Variants in NEK10 observed in about 807,000 individuals in gnomAD.
The protein encoded by NEK10 is NIMA related kinase 10, also known as serine/threonine-protein kinase Nek10.
Under a neutral mutation model 159.8 loss-of-function variants are expected in NEK10, and 122 were observed. The observed-to-expected ratio is 0.76, with a 90% confidence interval of 0.66 to 0.89. The LOEUF is 0.89. Among genes scored for constraint, NEK10 ranks in the 40% least tolerant of loss-of-function variants. The pLI, the probability that NEK10 is intolerant of heterozygous loss-of-function variation, is 0.00. For synonymous variants in NEK10, 466 were observed against 457.1 expected, an observed-to-expected ratio of 1.02 and a Z score of -0.25; for missense variants, 1,342 against 1,323.1, an observed-to-expected ratio of 1.01 and a Z score of -0.22.
chr3:27,198,524 C>T (rs564544199), intron 25 of NEK10, among the ~76,000 whole-genome samples: 8 of 152,134 alleles, frequency 5.3e-5, no homozygotes, highest in East Asian at 1.9e-4. Flanking sequence ...CTGACAAAAA[C>T]AAGCAATGGG....
intron 7 of NEK10, among the ~76,000 whole-genome samples, chr3:27,313,769 G>A (rs2044910413): frequency 2.0e-5 from 3 of 152,144 alleles, no homozygotes; most frequent in Non-Finnish European, 2.9e-5. Context: ...CTGGAGTGCA[G>A]TGGTGCAACT....
At chr3:27,315,519 T>A (rs1282550871) in intron 6 of NEK10, among the ~76,000 whole-genome samples, 1 of 152,222 alleles carries the variant, frequency 6.6e-6, no homozygotes, top group Non-Finnish European at 1.5e-5. Flanking sequence ...AGAGCTATAA[T>A]TAAAGAGCAC....
chr3:27,304,712 C>T (rs1318326489), intron 12 of NEK10, 35 bp downstream of exon 12: 3 of 1,390,368 alleles, frequency 2.2e-6, no homozygotes, highest in Non-Finnish European at 3.1e-6. Flanking sequence ...CTTCAACAAA[C>T]AGGGCAAAGT....
intron 23 of NEK10, among the ~76,000 whole-genome samples, chr3:27,229,203 T>C (rs1299612016): frequency 6.6e-6 from 1 of 152,142 alleles, no homozygotes; most frequent in Non-Finnish European, 1.5e-5. Context: ...ACATAATTAC[T>C]ACAACCAGCA....
chr3:27,282,841 T>C (rs927017669), intron 22 of NEK10, among the ~76,000 whole-genome samples: 15 of 150,888 alleles, frequency 9.9e-5, no homozygotes, highest in African/African-American at 3.2e-4. Context: ...ATAAATAAAT[T>C]ATAAAAAATT....
intron 30 of NEK10, among the ~76,000 whole-genome samples, chr3:27,153,116 C>T (rs1417228661): frequency 1.3e-5 from 2 of 152,004 alleles, no homozygotes; most frequent in Non-Finnish European, 1.5e-5. Flanking sequence ...GTCAGGAGAT[C>T]GAGACTATCC....
rs567310183 is a variant in NEK10, at chr3:27,327,765, T to C, written c.363-5504A>G. Among the ~76,000 whole-genome samples the C allele has an allele frequency of 1.2e-4, 19 of 152,308 alleles. 1 individual carries two copies. The South Asian group carries it at 2.5e-3, about 20-fold the overall frequency. The stretch of plus-strand genomic sequence containing the variant: ...TCATGTCACAGCCCTTTTCATGTTG[T>C]AGTAGTTTTCATTAACCACAAGACA... On this transcript the variant is annotated intron_variant, in intron 5 of 35. Coordinates refer to ENST00000691995, the MANE Select transcript of NEK10 (RefSeq NM_001394966.1).
intron 3 of NEK10, among the ~76,000 whole-genome samples, chr3:27,349,422 A>G (rs966813199): frequency 6.6e-6 from 1 of 152,084 alleles, no homozygotes; most frequent in Admixed American, 6.6e-5. Context: ...CTCAAAAGCT[A>G]TATGCTCACT....
chr3:27,243,307 G>T (rs1430220403), intron 23 of NEK10, among the ~76,000 whole-genome samples: 1 of 152,076 alleles, frequency 6.6e-6, no homozygotes, highest in East Asian at 1.9e-4. Context: ...GATGTAAAGG[G>T]ATATATGACT....
At chr3:27,197,105 T>C (rs1949624556) in intron 25 of NEK10, among the ~76,000 whole-genome samples, 1 of 152,144 alleles carries the variant, frequency 6.6e-6, no homozygotes, top group African/African-American at 2.4e-5. Context: ...ACTATTATGA[T>C]TCTCATTCTA....
intron 25 of NEK10, among the ~76,000 whole-genome samples, chr3:27,200,311 A>T (rs1372564454): frequency 2.0e-5 from 3 of 152,162 alleles, no homozygotes; most frequent in Admixed American, 2.0e-4. Context: ...GCTAAGTGCT[A>T]GTATAGATAC....
In NEK10 at chr3:27,285,957, T is replaced by G. The variant is rs114197395; in HGVS notation, c.1790-996A>C. On this transcript the variant is annotated intron_variant, in intron 20 of 35. Coordinates refer to ENST00000691995, the MANE Select transcript of NEK10 (RefSeq NM_001394966.1). ...CAATTTTTCATAATTTCAAGAAATATTCATTTATGTACCAATACTACCTCT... is the reference window on the plus strand; with the variant it reads ...CAATTTTTCATAATTTCAAGAAATAGTCATTTATGTACCAATACTACCTCT... 4.6e-3 allele frequency among the ~76,000 whole-genome samples: 705 copies of G among 152,248 alleles called. 3 individuals are homozygous for G. Among genetic ancestry groups the G allele is most frequent in the Non-Finnish European group, 7.0e-3 (478 of 68,014 alleles).
chr3:27,330,397 A>G (rs943218097), intron 5 of NEK10, among the ~76,000 whole-genome samples: 1 of 152,216 alleles, frequency 6.6e-6, no homozygotes, highest in Admixed American at 6.5e-5. Context: ...TCAAACAATG[A>G]TCCAGCTGTT....
At chr3:27,187,551 G>A (rs910085675) in intron 26 of NEK10, among the ~76,000 whole-genome samples, 2 of 152,126 alleles carry the variant, frequency 1.3e-5, no homozygotes, top group African/African-American at 4.8e-5. Context: ...TAAAAGGCCA[G>A]GGATGGAAGA....
At position 27,189,113 on chromosome 3, in the gene NEK10, T is replaced by C. The variant is rs187771651; in HGVS notation, c.2505+2916A>G. The stretch of plus-strand genomic sequence containing the variant: ...AACTCTATACTCTCCTTATGATCTC[T>C]TATTTTAAGTTATAAGAATCAGAAA... On this transcript the variant is annotated intron_variant, in intron 26 of 35. Coordinates refer to ENST00000691995, the MANE Select transcript of NEK10 (RefSeq NM_001394966.1). Among the ~76,000 whole-genome samples the C allele has an allele frequency of 9.5e-4, 144 of 152,264 alleles. 1 individual carries two copies. The highest frequency in any genetic ancestry group is 2.9e-4 in the Non-Finnish European group (20 of 67,974).
chr3:27,132,063 C>G (rs1215659552), intron 31 of NEK10, 73 bp from the exon 32 acceptor site: 1 of 773,088 alleles, frequency 1.3e-6, no homozygotes, highest in Non-Finnish European at 2.2e-6. Context: ...AAAGCATTCG[C>G]TGAGGGCCCA....
At chr3:27,364,000 G>A (rs921317044) in intron 1 of NEK10, among the ~76,000 whole-genome samples, 1 of 151,806 alleles carries the variant, frequency 6.6e-6, no homozygotes, top group Non-Finnish European at 1.5e-5. Context: ...TGGCAGTCGG[G>A]ACTAAATAAA....
chr3:27,204,301 G>GTTTTTTTTTTTTTTTTTTTTTTTT (rs567092116), intron 23 of NEK10, among the ~76,000 whole-genome samples: 1 of 66,376 alleles, frequency 1.5e-5, no homozygotes, highest in Admixed American at 2.0e-4. Context: ...TTTTGTTGTT[G>GTTTTTTTTTTTTTTTTTTTTTTTT]TTTTTTTTTT....
intron 22 of NEK10, among the ~76,000 whole-genome samples, chr3:27,256,968 T>C (rs1450113371): frequency 1.4e-5 from 2 of 147,218 alleles, no homozygotes; most frequent in Admixed American, 7.0e-5. Context: ...CAGGTTGGAG[T>C]GCAGTGGTGC....
Sources: allele counts gnomAD v4.1 joint callset (sites outside exome capture counted in the v4.1 genomes callset), GRCh38; gene constraint gnomAD v4.1.1; transcripts MANE v1.5; gene names NCBI Gene and HGNC (gene_info 2026-07-23, HGNC 2026-07-21).